The following TMEM87A variants were observed in gnomAD, a reference collection of about 807,000 sequenced individuals.
The protein encoded by TMEM87A is Golgi-pH regulating cation channel.
In TMEM87A, 50 loss-of-function variants were observed where a neutral mutation model predicts 90.0. The ratio of observed to expected loss-of-function variants is 0.56; its 90% CI spans 0.44 to 0.70. The LOEUF (loss-of-function observed/expected upper bound fraction) is 0.70. TMEM87A is among the 30% of genes least tolerant of loss of function. The pLI, the probability that TMEM87A is intolerant of heterozygous loss-of-function variation, is 0.00. For synonymous variants in TMEM87A, 226 were observed against 226.7 expected (o/e 1.00, Z 0.03); for missense variants, 577 against 660.5 (o/e 0.87, Z 1.39).
At chr15:42,272,890 T>C (rs2051570928) in intron 1 of TMEM87A, 2 of 475,634 alleles carry the variant, frequency 4.2e-6, no homozygotes, top group African/African-American at 2.0e-5. Context: ...CCTATTTACA[T>C]ATCTTTCTTA....
At chr15:42,235,027 T>C (rs2050746942) in intron 10 of TMEM87A, among the ~76,000 whole-genome samples, 1 of 152,142 alleles carries the variant, frequency 6.6e-6, no homozygotes, top group African/African-American at 2.4e-5. Context: ...TCCAGTCTCA[T>C]GACTTTATTT....
At chr15:42,251,865 A>C (rs554228601) in intron 6 of TMEM87A, among the ~76,000 whole-genome samples, 1 of 152,364 alleles carries the variant, frequency 6.6e-6, no homozygotes, top group Non-Finnish European at 1.5e-5. Context: ...TGGAGTCTAC[A>C]GAGGCAGGCA....
chr15:42,239,185 C>T lies in TMEM87A; in HGVS notation c.684+485G>A, dbSNP rs541949230. 7.2e-5 allele frequency among the ~76,000 whole-genome samples: 11 copies of T among 152,186 alleles called. No homozygotes were observed. The East Asian group carries it at 2.1e-3, about 29-fold the overall frequency. On this transcript the variant is annotated intron_variant, in intron 8 of 19. Coordinates refer to ENST00000389834, the MANE Select transcript of TMEM87A (RefSeq NM_015497.5). ...CCTCCCGAGTAGCTGGGACTACAGG[C>T]GCCTACCACCACGCCCAGCTAATTT... is the stretch of plus-strand genomic sequence containing the variant.
chr15:42,233,354 G>A (rs772928039), intron 10 of TMEM87A, 48 bp from the exon 11 acceptor site: 29 of 1,424,952 alleles, frequency 2.0e-5, no homozygotes, highest in South Asian at 3.5e-5. Context: ...GACAAATGCC[G>A]AAACAAGCTA....
chr15:42,226,263 G>C (rs1230166262), intron 15 of TMEM87A, among the ~76,000 whole-genome samples: 10 of 151,654 alleles, frequency 6.6e-5, no homozygotes, highest in Non-Finnish European at 1.5e-5. Flanking sequence ...GCCTCCCAAA[G>C]TGCTGGAATT....
intron 19 of TMEM87A, 122 bp downstream of exon 19, chr15:42,217,681 T>C: frequency 2.3e-6 from 2 of 858,838 alleles, no homozygotes; most frequent in Non-Finnish European, 3.7e-6. Context: ...TTTTCAACTA[T>C]ATAAACTATA....
chr15:42,229,850 G>A (rs1253286045), intron 12 of TMEM87A, among the ~76,000 whole-genome samples: 2 of 152,176 alleles, frequency 1.3e-5, no homozygotes, highest in African/African-American at 4.8e-5. Context: ...TTTTGAGACA[G>A]GGTCTCACTC....
rs1248596387 is a variant in TMEM87A, at chr15:42,211,473, G to C, written c.*235C>G. The C allele has an allele frequency of 4.7e-6, 2 of 426,162 alleles. No homozygotes were observed. The highest frequency in any genetic ancestry group is 3.6e-5 in the East Asian group (1 of 28,064). 26.4% of individuals were successfully genotyped at this position (426,162 alleles called of 1,614,324 possible). A position where few individuals can be genotyped will look rare whatever the true frequency, so the allele number is the denominator to read the frequency against. On this transcript the variant is annotated 3_prime_UTR_variant, in exon 20 of 20. Transcript: ENST00000389834. ...TCCATGTCAGAGTCTGGGAGGAAAG[G>C]GGGCAGCAGTGTTGTAAATAAGAAG...
In TMEM87A at chr15:42,272,120, T is replaced by C. The variant is rs2051543258; in HGVS notation, c.148A>G (p.Lys50Glu). 6 of 1,606,278 alleles carry C rather than the reference T, an allele frequency of 3.7e-6. No homozygotes were observed. Among genetic ancestry groups the C allele is most frequent in the South Asian group, 2.2e-5 (2 of 89,294 alleles). Residue 50 changes from lysine to glutamate, a missense_variant, in exon 2 of 20, where the codon AAA becomes GAA. Physicochemically the swap from Lys to Glu is moderately conservative, Grantham distance 56 (BLOSUM62 1). Transcript: ENST00000389834. ...SKWHIPIPSG[K>E]NYFSFGKILF... ...ATCTTTCCAAAACTAAAATAATTTT[T>C]CCCCTGCAAACATAAAGGAAAGATA...
intron 1 of TMEM87A, among the ~76,000 whole-genome samples, chr15:42,272,402 C>T (rs2051553781): frequency 6.6e-6 from 1 of 152,166 alleles, no homozygotes; most frequent in Admixed American, 6.5e-5. Context: ...TAACTGAACA[C>T]CTGAAAATCT....
Position 42,220,086 on chromosome 15 carries a change from C to A in TMEM87A, c.1453G>T (p.Glu485Ter). Residue 485 changes from glutamate to a stop codon, truncating the protein, a stop_gained, in exon 16 of 20, where the codon GAG becomes TAG. Transcript: ENST00000389834. LOFTEE classifies it high-confidence loss of function. The part of the protein sequence containing the change: ...SEEEEEDEQK[E>*]PMLKESFEGM... ...CCAAAGCTTTCTTTCAGCATAGGCT[C>A]CTTTTGTTCATCCTCCTCCTCTTCC... The A allele has an allele frequency of 1.2e-6, 2 of 1,609,080 alleles. No individual in the cohort carries two copies. The highest frequency in any genetic ancestry group is 1.1e-5 in the South Asian group (1 of 89,640).
In TMEM87A at chr15:42,226,064, A is replaced by G. The variant is rs1489178797; in HGVS notation, c.1403+742T>C. ...GTCACCTATGCTGTGCAGTGGCATG[A>G]TCTCGGCTCAGTGCAACCTCTGCCT... On this transcript the variant is annotated intron_variant, in intron 15 of 19. Coordinates refer to ENST00000389834, the MANE Select transcript of TMEM87A (RefSeq NM_015497.5). 3.3e-5 allele frequency among the ~76,000 whole-genome samples: 5 copies of G among 151,796 alleles called. No individual in the cohort carries two copies. In the Middle Eastern group the frequency reaches 0.014, roughly 416 times the overall value.
chr15:42,234,720 T>C (rs750402956), intron 10 of TMEM87A, among the ~76,000 whole-genome samples: 3 of 152,174 alleles, frequency 2.0e-5, no homozygotes, highest in Non-Finnish European at 2.9e-5. Flanking sequence ...TCTCCTCCTA[T>C]ACTCTCTGGA....
chr15:42,263,389 G>C (rs995864854), intron 4 of TMEM87A, among the ~76,000 whole-genome samples: 2 of 152,274 alleles, frequency 1.3e-5, no homozygotes, highest in Middle Eastern at 3.4e-3. Context: ...CATGGTCTTG[G>C]GGTTGGAAGG....
intron 18 of TMEM87A, 47 bp from the exon 19 acceptor site, chr15:42,217,880 A>G (rs372631105): frequency 5.1e-6 from 8 of 1,577,456 alleles, no homozygotes; most frequent in Non-Finnish European, 6.0e-6. Context: ...AAATAAAGCC[A>G]TAAATGGTTC....
chr15:42,251,022 T>C (rs1184781026), intron 6 of TMEM87A, among the ~76,000 whole-genome samples: 1 of 152,250 alleles, frequency 6.6e-6, no homozygotes, highest in Non-Finnish European at 1.5e-5. Flanking sequence ...TTCTTCCACT[T>C]GATCGAATCA....
intron 18 of TMEM87A, 185 bp downstream of exon 18, chr15:42,218,138 C>G: frequency 2.9e-6 from 2 of 691,000 alleles, no homozygotes; most frequent in East Asian, 2.7e-5. Context: ...ATAGCTAAAT[C>G]TTTCTAAGCA....
chr15:42,224,000 A>G (rs1436965778), intron 15 of TMEM87A, among the ~76,000 whole-genome samples: 1 of 152,188 alleles, frequency 6.6e-6, no homozygotes, highest in Non-Finnish European at 1.5e-5. Context: ...ATCCAAGCCC[A>G]CTCATTAAAT....
intron 2 of TMEM87A, 93 bp from the exon 3 acceptor site, chr15:42,268,125 C>T: frequency 1.1e-6 from 1 of 930,486 alleles, no homozygotes; most frequent in Non-Finnish European, 1.6e-6. Flanking sequence ...ATTTCGTACC[C>T]TAAACTGAGA....
Sources: allele counts gnomAD v4.1 joint callset (sites outside exome capture counted in the v4.1 genomes callset), GRCh38; gene constraint gnomAD v4.1.1; transcripts MANE v1.5; gene names NCBI Gene and HGNC (gene_info 2026-07-23, HGNC 2026-07-21).